The following AVEN variants were observed in gnomAD, a reference collection of about 807,000 sequenced individuals.
AVEN encodes the protein cell death regulator Aven.
Under a neutral mutation model 38.1 loss-of-function variants are expected in AVEN, and 41 were observed. That is an observed-to-expected ratio of 1.08 (90% CI 0.84 to 1.40). The LOEUF is 1.40. Among genes scored for constraint, AVEN ranks in the 40% most tolerant of loss-of-function variants. The pLI is 0.00. For synonymous variants in AVEN, 206 were observed against 171.8 expected, an observed-to-expected ratio of 1.20 and a Z score of -1.56; for missense variants, 605 against 438.8, an observed-to-expected ratio of 1.38 and a Z score of -3.38.
intron 3 of AVEN, among the ~76,000 whole-genome samples, chr15:33,873,853 C>T (rs1891109276): frequency 6.6e-6 from 1 of 152,198 alleles, no homozygotes; most frequent in Non-Finnish European, 1.5e-5. Context: ...TCTTTCTTGT[C>T]CTTGTGTCTC....
At chr15:34,072,289 A>G (rs959107287) in intron 1 of AVEN, among the ~76,000 whole-genome samples, 1 of 148,862 alleles carries the variant, frequency 6.7e-6, no homozygotes, top group Non-Finnish European at 1.5e-5. Flanking sequence ...ATAATAATAC[A>G]TATATTCTAA....
At chr15:33,961,722 A>C (rs966758177) in intron 2 of AVEN, among the ~76,000 whole-genome samples, 1 of 148,096 alleles carries the variant, frequency 6.8e-6, no homozygotes, top group Admixed American at 6.8e-5. Context: ...CTGAGGCAGG[A>C]GAATGGCGTG....
At chr15:33,927,846 A>T (rs967939202) in intron 2 of AVEN, among the ~76,000 whole-genome samples, 1 of 152,058 alleles carries the variant, frequency 6.6e-6, no homozygotes, top group Non-Finnish European at 1.5e-5. Flanking sequence ...ATAAGGGGAA[A>T]TTTGAGTTGG....
intron 2 of AVEN, among the ~76,000 whole-genome samples, chr15:33,906,407 G>C (rs1386379386): frequency 6.6e-6 from 1 of 152,156 alleles, no homozygotes; most frequent in East Asian, 1.9e-4. Context: ...GATGCCACAA[G>C]TTGTTCATCC....
downstream of AVEN, chr15:33,864,218 T>TTAGATCTCCCTTTCC (rs1889595170): frequency 6.4e-7 from 1 of 1,566,286 alleles, no homozygotes; most frequent in African/African-American, 1.4e-5. Flanking sequence ...TATACCCGTG[T>TTAGATCTCCCTTTCC]TAGATCTCCC....
At chr15:33,961,887 G>C (rs181942697) in intron 2 of AVEN, among the ~76,000 whole-genome samples, 18 of 149,402 alleles carry the variant, frequency 1.2e-4, no homozygotes, top group Non-Finnish European at 1.8e-4. Flanking sequence ...CTATGAACCA[G>C]TATAACCAAG....
chr15:34,006,425 G>C (rs753204), intron 1 of AVEN, among the ~76,000 whole-genome samples: 1 of 152,076 alleles, frequency 6.6e-6, no homozygotes, highest in African/African-American at 2.4e-5. Flanking sequence ...TGGCCCATTG[G>C]GTGAACAGAG....
chr15:34,006,220 A>G (rs1251522002), intron 1 of AVEN, among the ~76,000 whole-genome samples: 2 of 152,040 alleles, frequency 1.3e-5, no homozygotes, highest in Non-Finnish European at 2.9e-5. Flanking sequence ...CTGAGGCAGG[A>G]GAATGGCGTG....
downstream of AVEN, among the ~76,000 whole-genome samples, chr15:33,857,270 CAG>C (rs2079783688): frequency 6.6e-6 from 1 of 151,914 alleles, no homozygotes; most frequent in Non-Finnish European, 1.5e-5. Flanking sequence ...CTGGTCTCCT[CAG>C]GGGCCTCTCT....
chr15:33,937,931 C>CA (rs1894151706), intron 2 of AVEN, among the ~76,000 whole-genome samples: 1 of 34,718 alleles, frequency 2.9e-5, no homozygotes, highest in African/African-American at 8.7e-5. Flanking sequence ...CCCTACTTGA[C>CA]CAAAAAAAAA....
At chr15:33,922,334 T>C (rs145035174) in intron 2 of AVEN, among the ~76,000 whole-genome samples, 1 of 152,338 alleles carries the variant, frequency 6.6e-6, no homozygotes, top group East Asian at 1.9e-4. Flanking sequence ...AGAGTAGGGA[T>C]GGATGGCTAT....
chr15:33,907,074 G>A (rs957560633), intron 2 of AVEN, among the ~76,000 whole-genome samples: 3 of 152,008 alleles, frequency 2.0e-5, no homozygotes, highest in African/African-American at 4.8e-5. Context: ...ACCAAACCAC[G>A]AATGAAAAGA....
chr15:33,856,103 C>T (rs2079629961), downstream of AVEN: 1 of 152,312 alleles, frequency 6.6e-6, no homozygotes, highest in South Asian at 2.1e-4. Flanking sequence ...AGGCTCAGAG[C>T]AGCTAAATGT....
intron 2 of AVEN, among the ~76,000 whole-genome samples, chr15:33,907,078 G>C (rs1201777949): frequency 6.6e-6 from 1 of 152,104 alleles, no homozygotes; most frequent in Non-Finnish European, 1.5e-5. Flanking sequence ...AACCACGAAT[G>C]AAAAGAAAAA....
chr15:34,041,057 A>G (rs1899454956), upstream of AVEN, among the ~76,000 whole-genome samples: 1 of 152,106 alleles, frequency 6.6e-6, no homozygotes, highest in African/African-American at 2.4e-5. Flanking sequence ...ATCTCAAACT[A>G]GACATTTGCA....
intron 1 of AVEN, among the ~76,000 whole-genome samples, chr15:34,071,032 T>G (rs2140856969): frequency 6.6e-6 from 1 of 152,336 alleles, no homozygotes; most frequent in Admixed American, 6.5e-5. Context: ...CTTTTAATTT[T>G]ATATGGCTCT....
intron 2 of AVEN, among the ~76,000 whole-genome samples, chr15:33,901,019 G>A (rs592471): frequency 6.6e-6 from 1 of 151,992 alleles, no homozygotes; most frequent in Non-Finnish European, 1.5e-5. Context: ...GTAATCCCAG[G>A]ACTTTGGGAG....
At chr15:33,993,433 T>C (rs545118221) in intron 2 of AVEN, among the ~76,000 whole-genome samples, 1 of 152,212 alleles carries the variant, frequency 6.6e-6, no homozygotes, top group South Asian at 2.1e-4. Context: ...AGAGTGTCAC[T>C]GTCAGTGGTC....
chr15:33,957,191 C>T (rs1330355452), intron 2 of AVEN, among the ~76,000 whole-genome samples: 1 of 152,188 alleles, frequency 6.6e-6, no homozygotes, highest in Non-Finnish European at 1.5e-5. Context: ...TAATGAACTA[C>T]ATTTTTTAAA....
Sources: allele counts gnomAD v4.1 joint callset (sites outside exome capture counted in the v4.1 genomes callset), GRCh38; gene constraint gnomAD v4.1.1; transcripts MANE v1.5; gene names NCBI Gene and HGNC (gene_info 2026-07-23, HGNC 2026-07-21).